Variants in PIGN observed in about 807,000 individuals in gnomAD.
PIGN encodes GPI ethanolamine phosphate transferase 1.
In PIGN, 117 loss-of-function variants were observed where a neutral mutation model predicts 125.4. That is an observed-to-expected ratio of 0.93 (90% CI 0.80 to 1.09). The LOEUF (loss-of-function observed/expected upper bound fraction) is 1.09. Ranked by LOEUF, PIGN falls within the 50% of genes least tolerant of loss-of-function variation. The pLI is 0.00. For missense variants in PIGN, 1,075 were observed against 1,094.9 expected, an observed-to-expected ratio of 0.98 and a Z score of 0.26; for synonymous variants, 392 against 377.8, an observed-to-expected ratio of 1.04 and a Z score of -0.44.
At chr18:62,063,786 G>A (rs1281764309) in intron 30 of PIGN, among the ~76,000 whole-genome samples, 2 of 151,234 alleles carry the variant, frequency 1.3e-5, no homozygotes, top group Non-Finnish European at 2.9e-5. Context: ...CAGGGACATG[G>A]ATGAAGCTGG....
chr18:62,112,843 TATAAA>T (rs2034933983), intron 16 of PIGN: 1 of 370,666 alleles, frequency 2.7e-6, no homozygotes, highest in Non-Finnish European at 4.8e-6. Context: ...AAATGCTAGT[TATAAA>T]ATAAAACAGA....
At chr18:62,114,231 G>A (rs566895730) in intron 15 of PIGN, among the ~76,000 whole-genome samples, 9 of 152,048 alleles carry the variant, frequency 5.9e-5, no homozygotes, top group East Asian at 1.9e-4. Context: ...GTGTTGTGGC[G>A]CATGCCTGTA....
chr18:62,119,650 C>A (rs1222083063), intron 14 of PIGN, among the ~76,000 whole-genome samples: 3 of 151,970 alleles, frequency 2.0e-5, no homozygotes, highest in Non-Finnish European at 2.9e-5. Flanking sequence ...TTGAGACCAG[C>A]CTGGCCAACA....
At chr18:62,063,021 G>C (rs2032275008) in intron 30 of PIGN, among the ~76,000 whole-genome samples, 1 of 150,082 alleles carries the variant, frequency 6.7e-6, no homozygotes, top group Non-Finnish European at 1.5e-5. Context: ...CATCATGATA[G>C]ACGTTAAATG....
chr18:62,082,814 T>C (rs1169233018), intron 27 of PIGN, 68 bp from the exon 28 acceptor site: 24 of 800,626 alleles, frequency 3.0e-5, no homozygotes, highest in Admixed American at 4.8e-5. Context: ...AAAAAAATAC[T>C]ATTTCTGCTT....
intron 23 of PIGN, among the ~76,000 whole-genome samples, chr18:62,094,535 G>A (rs1266128522): frequency 6.6e-6 from 1 of 152,042 alleles, no homozygotes; most frequent in Non-Finnish European, 1.5e-5. Flanking sequence ...GTGCATAGTT[G>A]AATTCATTTT....
At chr18:62,153,435 G>C (rs2147425585) in intron 7 of PIGN, 1 of 152,218 alleles carries the variant, frequency 6.6e-6, no homozygotes, top group Non-Finnish European at 1.5e-5. Context: ...ATGAAAATCA[G>C]GCCAGCTACC....
chr18:62,177,044 G>A (rs1268403740), intron 1 of PIGN, among the ~76,000 whole-genome samples: 1 of 151,846 alleles, frequency 6.6e-6, no homozygotes, highest in African/African-American at 2.4e-5. Context: ...CAAGTTTTAT[G>A]GATAGCTCTG....
chr18:62,062,055 G>T (rs905301382), intron 30 of PIGN, among the ~76,000 whole-genome samples: 1 of 152,102 alleles, frequency 6.6e-6, no homozygotes, highest in African/African-American at 2.4e-5. Flanking sequence ...CGCTATAGAG[G>T]ATACAAAGGA....
At chr18:62,025,624 C>G (rs1359091334) in intron 23 of PIGN, among the ~76,000 whole-genome samples, 1 of 152,184 alleles carries the variant, frequency 6.6e-6, no homozygotes, top group Non-Finnish European at 1.5e-5. Flanking sequence ...TTATGCAAAC[C>G]TCCATTGGAC....
intron 1 of PIGN, among the ~76,000 whole-genome samples, chr18:62,165,019 G>A (rs753810893): frequency 1.8e-4 from 27 of 152,194 alleles, no homozygotes; most frequent in Non-Finnish European, 5.9e-5. Context: ...CATTGTGGCT[G>A]TGATGGGAGG....
intron 29 of PIGN, 58 bp from the exon 30 acceptor site, chr18:62,072,783 A>G: frequency 7.4e-7 from 1 of 1,350,896 alleles, no homozygotes; most frequent in Non-Finnish European, 1.0e-6. Flanking sequence ...CAGTCTAAAA[A>G]CAAAGCTATT....
At chr18:62,018,612 G>A (rs1168113082) in intron 23 of PIGN, among the ~76,000 whole-genome samples, 1 of 152,096 alleles carries the variant, frequency 6.6e-6, no homozygotes, top group Non-Finnish European at 1.5e-5. Context: ...CTGAGCACAT[G>A]GTTTGTTACA....
intron 30 of PIGN, chr18:62,052,856 A>T (rs989893945): frequency 1.5e-5 from 5 of 342,220 alleles, no homozygotes; most frequent in African/African-American, 1.1e-4. Flanking sequence ...GTTCCTTTCC[A>T]CATTTAGTGC....
At chr18:62,146,306 G>A (rs1043756953) in intron 9 of PIGN, among the ~76,000 whole-genome samples, 3 of 152,156 alleles carry the variant, frequency 2.0e-5, no homozygotes, top group Admixed American at 6.5e-5. Flanking sequence ...AATAAGACAT[G>A]GAAGAAATGT....
chr18:62,173,820 CTAAT>C (rs960753423), intron 1 of PIGN, among the ~76,000 whole-genome samples: 6 of 152,188 alleles, frequency 3.9e-5, no homozygotes, highest in Non-Finnish European at 8.8e-5. Context: ...ATTCAACCAC[CTAAT>C]TAATTCTCTC....
chr18:62,040,577 A>G (rs2030340803), downstream of PIGN, among the ~76,000 whole-genome samples: 1 of 152,224 alleles, frequency 6.6e-6, no homozygotes, highest in Non-Finnish European at 1.5e-5. Flanking sequence ...TGATGTTCAC[A>G]TAGATCACCT....
intron 30 of PIGN, among the ~76,000 whole-genome samples, chr18:62,060,310 G>A (rs1036198601): frequency 2.6e-5 from 4 of 152,200 alleles, no homozygotes; most frequent in Non-Finnish European, 4.4e-5. Flanking sequence ...CATGTGTGAT[G>A]GTCGAGGGGA....
downstream of PIGN, among the ~76,000 whole-genome samples, chr18:62,038,310 T>TTG (rs1356638392): frequency 2.0e-5 from 2 of 101,034 alleles, no homozygotes; most frequent in Non-Finnish European, 2.7e-5. Context: ...CCCTCCGTGT[T>TTG]TTTTTTTTTT....
Sources: gnomAD v4.1 joint callset for allele counts (sites outside exome capture counted in the v4.1 genomes callset) on GRCh38, gnomAD v4.1.1 for gene constraint, MANE v1.5 for transcripts, NCBI Gene and HGNC (gene_info 2026-07-23, HGNC 2026-07-21) for gene names.